Variants in TPSD1 observed in about 807,000 individuals in gnomAD.
TPSD1 encodes tryptase delta.
Under a neutral mutation model 25.4 loss-of-function variants are expected in TPSD1, and 30 were observed. That is an observed-to-expected ratio of 1.18 (90% confidence interval 0.88 to 1.60). The LOEUF is 1.60. TPSD1 is among the 40% of genes most tolerant of loss of function. The pLI is 0.00. For missense variants in TPSD1, 420 were observed against 324.2 expected, an observed-to-expected ratio of 1.30 and a Z score of -2.27; for synonymous variants, 176 against 149.4, an observed-to-expected ratio of 1.18 and a Z score of -1.30.
At chr16:1,257,813 C>T in intron 3 of TPSD1, 1 of 582,734 alleles carries the variant, frequency 1.7e-6, no homozygotes, top group Non-Finnish European at 3.0e-6. Flanking sequence ...GCCATGGAGC[C>T]CAGCTTGGCA....
At chr16:1,257,472 G>A (rs1358000356) in intron 3 of TPSD1, 3 of 274,196 alleles carry the variant, frequency 1.1e-5, no homozygotes, top group African/African-American at 4.3e-5. Context: ...CTGGGAATCG[G>A]GGTCGTGGCA....
At position 1,256,888 on chromosome 16, in the gene TPSD1, G is replaced by T. The variant is rs530280660; in HGVS notation, c.346G>T (p.Val116Leu). ...GCTGCTGCCGGTCAGCAGGATCATC[G>T]TGCACCCACAGTTCTACATCATCCA... ...DQLLPVSRII[V>L]HPQFYIIQTG... Residue 116 changes from valine (V) to leucine (L), a missense_variant, in exon 3 of 5, where the codon GTG (valine) becomes TTG (leucine). Val to Leu is a conservative substitution (Grantham distance 32). Coordinates refer to ENST00000211076, the MANE Select transcript of TPSD1 (RefSeq NM_012217.3). 3 of 1,613,826 alleles carry T rather than the reference G, an allele frequency of 1.9e-6. No individual in the cohort carries two copies. The highest frequency in any genetic ancestry group is 1.1e-5 in the South Asian group (1 of 91,066).
Position 1,256,680 on chromosome 16 carries a change from G to C in TPSD1, c.247G>C (p.Val83Leu), listed in dbSNP as rs1141967. Residue 83 changes from valine (V) to leucine (L), a missense_variant, in exon 2 of 5, where the codon GTG becomes CTG. Coordinates refer to ENST00000211076, the MANE Select transcript of TPSD1 (RefSeq NM_012217.3). ...GTGGGTGCTAACCGCGGCGCACTGC[G>C]TGGAACCGTGAGTCTCCTGGGGCCT... is the stretch of plus-strand genomic sequence containing the variant. ...PQWVLTAAHC[V>L]EPDIKDLAAL... The C allele has an allele frequency of 6.4e-3, 9,240 of 1,437,724 alleles. No individual in the cohort carries two copies. Among genetic ancestry groups the C allele is most frequent in the East Asian group, 0.035 (862 of 24,360 alleles). 89.1% of individuals were successfully genotyped at this position (1,437,724 alleles called of 1,614,324 possible).
chr16:1,258,171 C>A lies in TPSD1; in HGVS notation c.633C>A (p.Ile211=). Residue 211 remains isoleucine (I), a synonymous_variant, in exon 4 of 5, where the codon ATC becomes ATA. Coordinates refer to ENST00000211076, the MANE Select transcript of TPSD1 (RefSeq NM_012217.3). ...TGLHTGHSFQ[I]VRDDMLCAGS... ...TCCATACGGGCCACAGCTTTCAAAT[C>A]GTCCGCGATGACATGCTGTGTGCGG... 6.2e-7 allele frequency: 1 copy of A among 1,613,064 alleles called. No individual in the cohort carries two copies. Among genetic ancestry groups the A allele is most frequent in the Non-Finnish European group, 8.5e-7 (1 of 1,179,834 alleles).
In TPSD1 at chr16:1,258,433, C is replaced by T. The variant is rs1283861974; in HGVS notation, c.*57C>T. On this transcript the variant is annotated 3_prime_UTR_variant, in exon 5 of 5. Transcript: ENST00000211076. ...GCTGTGCCCAGCCCAACCGGCCTGG[C>T]ATCTACACCCGTGTCACCTACTACT... 1.7e-5 allele frequency: 27 copies of T among 1,612,914 alleles called. No homozygotes were observed. Among genetic ancestry groups the T allele is most frequent in the Non-Finnish European group, 2.2e-5 (26 of 1,179,642 alleles).
In TPSD1 at chr16:1,256,796, G is replaced by C; in HGVS notation, c.255-1G>C. On this transcript the variant is annotated splice_acceptor_variant, in intron 2 of 4. Coordinates refer to ENST00000211076, the MANE Select transcript of TPSD1 (RefSeq NM_012217.3). LOFTEE classifies it high-confidence loss of function. Reference sequence around the variant, plus strand: ...CCTGAGTGGGATCCTCCGCTGCCCAGGGACATCAAGGATCTGGCCGCCCTC... The same window carrying C: ...CCTGAGTGGGATCCTCCGCTGCCCACGGACATCAAGGATCTGGCCGCCCTC... 6.2e-7 allele frequency: 1 copy of C among 1,612,394 alleles called. No individual in the cohort carries two copies.
chr16:1,257,963 T>A, intron 3 of TPSD1, 96 bp from the exon 4 acceptor site: 2 of 1,340,004 alleles, frequency 1.5e-6, no homozygotes. Flanking sequence ...ACTGGGCCCA[T>A]GGTGCCATCT....
At chr16:1,258,038 C>T in intron 3 of TPSD1, 21 bp from the exon 4 acceptor site, 1 of 1,558,932 alleles carries the variant, frequency 6.4e-7, no homozygotes, top group Non-Finnish European at 8.7e-7. Flanking sequence ...GACCCGGCTC[C>T]ACGCCCCCCT....
chr16:1,257,200 TG>T (rs1440115945), intron 3 of TPSD1, 138 bp downstream of exon 3: 4 of 1,248,410 alleles, frequency 3.2e-6, no homozygotes, highest in Non-Finnish European at 4.3e-6. Context: ...GAGCAGGCGG[TG>T]GCGAGAGGCA....
intron 4 of TPSD1, 51 bp from the exon 5 acceptor site, chr16:1,258,281 A>C (rs1440020052): frequency 2.5e-6 from 4 of 1,610,552 alleles, no homozygotes; most frequent in East Asian, 2.2e-5. Flanking sequence ...CGCATCCCTC[A>C]TCCTGACCCC....
chr16:1,257,450 C>G, intron 3 of TPSD1: 1 of 294,168 alleles, frequency 3.4e-6, no homozygotes, highest in Non-Finnish European at 6.4e-6. Context: ...GTGCTACAGA[C>G]AAGGCAGGGG....
In TPSD1 at chr16:1,258,239, C is replaced by T; in HGVS notation, c.684+17C>T. 1 of 1,612,848 alleles carries T rather than the reference C, an allele frequency of 6.2e-7. No individual in the cohort carries two copies. Among genetic ancestry groups the T allele is most frequent in the Non-Finnish European group, 8.5e-7 (1 of 1,179,740 alleles). ...TCCTGCCAGGTGGGCCCTCGCGTCC[C>T]CCACCCCAATCCCCGGAGCCTGGCC... On this transcript the variant is annotated intron_variant, in intron 4 of 4. Transcript: ENST00000211076.
chr16:1,257,468 A>C, intron 3 of TPSD1: 2 of 271,710 alleles, frequency 7.4e-6, no homozygotes, highest in Non-Finnish European at 7.0e-6. Context: ...GGGCCTGGGA[A>C]TCGGGGTCGT....
At position 1,256,597 on chromosome 16, in the gene TPSD1, T is replaced by C. The variant is rs2030973483; in HGVS notation, c.164T>C (p.Leu55Pro). 3 of 1,612,674 alleles carry C rather than the reference T, an allele frequency of 1.9e-6. No individual in the cohort carries two copies. The Admixed American group carries it at 5.0e-5, about 27-fold the overall frequency. Residue 55 changes from leucine to proline, a missense_variant, in exon 2 of 5, where the codon CTG (leucine) becomes CCG (proline). Transcript: ENST00000211076. The part of the protein sequence containing the change: ...PRSKWPWQVS[L>P]RVRGPYWMHF... Reference sequence around the variant, plus strand: ...AGCAAGTGGCCCTGGCAGGTGAGCCTGAGAGTCCGCGGCCCATACTGGATG... The same window carrying C: ...AGCAAGTGGCCCTGGCAGGTGAGCCCGAGAGTCCGCGGCCCATACTGGATG...
chr16:1,258,477 A>G lies in TPSD1; in HGVS notation c.*101A>G. 13 of 1,613,176 alleles carry G rather than the reference A, an allele frequency of 8.1e-6. No homozygotes were observed. The highest frequency in any genetic ancestry group is 1.1e-5 in the South Asian group (1 of 91,054). Reference sequence around the variant, plus strand: ...TACTACTTGGACTGGATCCACCACTATGTCCCCAAGAAGCCCTGAGCCAGG... The same window carrying G: ...TACTACTTGGACTGGATCCACCACTGTGTCCCCAAGAAGCCCTGAGCCAGG... On this transcript the variant is annotated 3_prime_UTR_variant, in exon 5 of 5. Transcript: ENST00000211076.
At position 1,256,556 on chromosome 16, in the gene TPSD1, G is replaced by A. The variant is rs2401932; in HGVS notation, c.123G>A (p.Gly41=). The change falls in exon 2 of 5, where the codon GGG becomes GGA. Residue 41 remains glycine, a synonymous_variant. Transcript: ENST00000211076. ...TGCAGCAAACGGGCATTGTTGGGGG[G>A]CAGGAGGCCCCCAGGAGCAAGTGGC... ...QALQQTGIVG[G]QEAPRSKWPW... is the part of the protein sequence containing the mutation. 4 of 1,596,594 alleles carry A rather than the reference G, an allele frequency of 2.5e-6. No individual in the cohort carries two copies. The highest frequency in any genetic ancestry group is 2.9e-5 in the African/African-American group (2 of 68,538).
Position 1,256,798 on chromosome 16 carries a change from G to T in TPSD1, c.256G>T (p.Asp86Tyr). Residue 86 changes from aspartate (D) to tyrosine (Y), a missense_variant and splice_region_variant, in exon 3 of 5, where the codon GAC becomes TAC. Transcript: ENST00000211076. ...VLTAAHCVEPDIKDLAALRVQ... is the reference protein window; with the variant it reads ...VLTAAHCVEPYIKDLAALRVQ... The stretch of plus-strand genomic sequence containing the variant: ...TGAGTGGGATCCTCCGCTGCCCAGG[G>T]ACATCAAGGATCTGGCCGCCCTCAG... The T allele has an allele frequency of 1.2e-6, 2 of 1,612,390 alleles. No homozygotes were observed. Among genetic ancestry groups the T allele is most frequent in the Non-Finnish European group, 8.5e-7 (1 of 1,179,912 alleles).
rs1417886805 is a variant in TPSD1 at position 1,258,479 on chromosome 16, G to A, written c.*103G>A. On this transcript the variant is annotated 3_prime_UTR_variant, in exon 5 of 5. Transcript: ENST00000211076. ...CTACTTGGACTGGATCCACCACTAT[G>A]TCCCCAAGAAGCCCTGAGCCAGGCC... 1.2e-6 allele frequency: 2 copies of A among 1,613,264 alleles called. No homozygotes were observed. The highest frequency in any genetic ancestry group is 1.7e-6 in the Non-Finnish European group (2 of 1,179,748).
chr16:1,256,813 G>C lies in TPSD1; in HGVS notation c.271G>C (p.Ala91Pro), dbSNP rs2030980698. 6.2e-7 allele frequency: 1 copy of C among 1,612,480 alleles called. No individual in the cohort carries two copies. Among genetic ancestry groups the C allele is most frequent in the African/African-American group, 1.3e-5 (1 of 75,006 alleles). The change falls in exon 3 of 5, where the codon GCC (alanine) becomes CCC (proline). Residue 91 changes from alanine to proline, a missense_variant. Physicochemically the swap from Ala to Pro is conservative, Grantham distance 27 (BLOSUM62 -1). Transcript: ENST00000211076. ...HCVEPDIKDL[A>P]ALRVQLREQH... ...GCTGCCCAGGGACATCAAGGATCTG[G>C]CCGCCCTCAGGGTGCAACTGCGGGA...
Sources: allele counts gnomAD v4.1 joint callset, GRCh38; gene constraint gnomAD v4.1.1; transcripts MANE v1.5; gene names NCBI Gene and HGNC (gene_info 2026-07-23, HGNC 2026-07-21).